SLC6A6: variants seen among roughly 807,000 people sequenced by gnomAD.
SLC6A6 encodes the protein sodium- and chloride-dependent taurine transporter.
In SLC6A6, 16 loss-of-function variants were observed where a neutral mutation model predicts 68.8. The observed-to-expected ratio is 0.23, with a 90% CI of 0.16 to 0.35. The LOEUF (loss-of-function observed/expected upper bound fraction) is 0.35. Ranked by LOEUF, SLC6A6 falls within the 10% of genes least tolerant of loss-of-function variation. SLC6A6 has a pLI of 1.00. For missense variants in SLC6A6, 474 were observed against 802.8 expected (o/e 0.59, Z 4.95); for synonymous variants, 312 against 315.4 (o/e 0.99, Z 0.12).
At chr3:14,470,963 C>A (rs571032371) in intron 9 of SLC6A6, among the ~76,000 whole-genome samples, 1 of 152,304 alleles carries the variant, frequency 6.6e-6, no homozygotes, top group African/African-American at 2.4e-5. Context: ...AGGACACACC[C>A]TTCCCTGGCA....
At chr3:14,432,885 C>G (rs1476095683) in intron 2 of SLC6A6, 1 of 152,222 alleles carries the variant, frequency 6.6e-6, no homozygotes, top group Non-Finnish European at 1.5e-5. Context: ...TGTCCAGGGT[C>G]CCCTCAGACA....
chr3:14,417,653 A>AC (rs1236854604), intron 2 of SLC6A6, among the ~76,000 whole-genome samples: 18 of 150,216 alleles, frequency 1.2e-4, no homozygotes, highest in Non-Finnish European at 1.8e-4. Flanking sequence ...AATGGCGTGA[A>AC]CCCGGGGGAT....
intron 2 of SLC6A6, among the ~76,000 whole-genome samples, chr3:14,419,814 A>C (rs1699447139): frequency 6.7e-6 from 1 of 149,034 alleles, no homozygotes. Context: ...GCAACTCCCC[A>C]CCCCCTCAGC....
intron 5 of SLC6A6, among the ~76,000 whole-genome samples, chr3:14,456,963 G>T (rs192543584): frequency 6.6e-6 from 1 of 152,220 alleles, no homozygotes; most frequent in African/African-American, 2.4e-5. Flanking sequence ...GGCTGTCCTC[G>T]ATCACTGTTG....
intron 2 of SLC6A6, among the ~76,000 whole-genome samples, chr3:14,424,564 G>C (rs1044617025): frequency 7.3e-4 from 111 of 151,978 alleles, no homozygotes; most frequent in African/African-American, 2.4e-3. Flanking sequence ...GGGGTAGGGG[G>C]TGGGGTTGGG....
In SLC6A6 at chr3:14,478,588, T is replaced by A; in HGVS notation, c.1450+20T>A. 2 of 1,437,912 alleles carry A rather than the reference T, an allele frequency of 1.4e-6. No homozygotes were observed. Among genetic ancestry groups the A allele is most frequent in the Non-Finnish European group, 2.0e-6 (2 of 1,019,704 alleles). The allele number at this position is 1,437,912 out of a possible 1,614,324, so 89.1% of individuals were successfully genotyped here. A position where few individuals can be genotyped will look rare whatever the true frequency, so the allele number is the denominator to read the frequency against. On this transcript the variant is annotated intron_variant, in intron 12 of 14. Transcript: ENST00000622186. ...TATATGGTGAGTACAGATTTTTTCA[T>A]GTCCTTTCTCAAGGCTCTCCTTTGG...
intron 13 of SLC6A6, among the ~76,000 whole-genome samples, chr3:14,480,087 T>C (rs537069546): frequency 6.6e-6 from 1 of 152,348 alleles, no homozygotes; most frequent in Admixed American, 6.5e-5. Context: ...CACTTCCCTC[T>C]GTGAGCCTCA....
intron 4 of SLC6A6, among the ~76,000 whole-genome samples, chr3:14,446,719 A>G (rs978593617): frequency 6.6e-6 from 1 of 152,210 alleles, no homozygotes. Context: ...TATGAAATAG[A>G]AATATAGTCG....
At chr3:14,432,099 ACT>A (rs1180221869) in intron 2 of SLC6A6, among the ~76,000 whole-genome samples, 2 of 151,964 alleles carry the variant, frequency 1.3e-5, no homozygotes, top group Admixed American at 6.6e-5. Context: ...CCCTTAGCTG[ACT>A]CTGTCACTGG....
At chr3:14,445,619 C>G (rs1453391725) in intron 3 of SLC6A6, 98 bp from the exon 4 acceptor site, 6 of 1,349,790 alleles carry the variant, frequency 4.4e-6, no homozygotes, top group Non-Finnish European at 6.3e-6. Context: ...GCCCCTCATG[C>G]ATTCTCTCTG....
Position 14,461,962 on chromosome 3 carries a change from C to T in SLC6A6, c.732+3880C>T, listed in dbSNP as rs147881066. On this transcript the variant is annotated intron_variant, in intron 6 of 14. Transcript: ENST00000622186. ...TGCTCAGCCACCCTCTTTTCTACTG[C>T]CCAGAGGGGATGGAGAAAAGTTGTC... Among the ~76,000 whole-genome samples, 1,289 of 152,342 alleles carry T rather than the reference C, an allele frequency of 8.5e-3. 9 individuals carry two copies. Among genetic ancestry groups the T allele is most frequent in the South Asian group, 0.013 (62 of 4,834 alleles).
chr3:14,451,574 A>G (rs910022053), intron 5 of SLC6A6, among the ~76,000 whole-genome samples: 15 of 152,208 alleles, frequency 9.9e-5, no homozygotes, highest in African/African-American at 3.4e-4. Flanking sequence ...TGGAGGAGGA[A>G]CCATAGAAGG....
At position 14,479,320 on chromosome 3, in the gene SLC6A6, G is replaced by A. The variant is rs1700955808; in HGVS notation, c.1551+135G>A. ...TAAACCCAGCTTCAGCGCTGCCTGG[G>A]AGAGGGGAGGAAGGCTGCTCCAGGG... On this transcript the variant is annotated intron_variant, in intron 13 of 14. Transcript: ENST00000622186. 18 of 641,842 alleles carry A rather than the reference G, an allele frequency of 2.8e-5. 2 individuals are homozygous for A. In the South Asian group the frequency reaches 3.1e-4, roughly 11 times the overall value. The allele number at this position is 641,842 out of a possible 1,614,324, so 39.8% of individuals were successfully genotyped here. A position where few individuals can be genotyped will look rare whatever the true frequency, so the allele number is the denominator to read the frequency against.
chr3:14,419,839 C>T (rs533403020), intron 2 of SLC6A6, among the ~76,000 whole-genome samples: 2 of 152,048 alleles, frequency 1.3e-5, no homozygotes, highest in Non-Finnish European at 2.9e-5. Context: ...GGGCTGAGTC[C>T]AGAAATCAGA....
At chr3:14,462,981 C>T (rs1200082633) in intron 6 of SLC6A6, among the ~76,000 whole-genome samples, 3 of 152,186 alleles carry the variant, frequency 2.0e-5, no homozygotes, top group Non-Finnish European at 4.4e-5. Context: ...GCCTGTATCT[C>T]ACAACTCTCT....
At chr3:14,471,570 G>A (rs184632830) in intron 9 of SLC6A6, among the ~76,000 whole-genome samples, 2 of 152,308 alleles carry the variant, frequency 1.3e-5, no homozygotes, top group East Asian at 3.9e-4. Flanking sequence ...GGGCTTGCAG[G>A]CCTGGGACCT....
intron 7 of SLC6A6, 106 bp downstream of exon 7, chr3:14,466,756 TC>T: frequency 8.9e-7 from 1 of 1,127,906 alleles, no homozygotes; most frequent in Non-Finnish European, 1.2e-6. Context: ...CCGTGGTTCT[TC>T]AGTGCACAGG....
chr3:14,407,499 GTTTTCTTTTTCTTTTTTT>G (rs558576835), intron 1 of SLC6A6, among the ~76,000 whole-genome samples: 1 of 148,904 alleles, frequency 6.7e-6, no homozygotes, highest in East Asian at 2.0e-4. Context: ...CACTTTCTCC[GTTTTCTTTTTCTTTTTTT>G]TTTTTTTTGA....
chr3:14,480,686 T>C (rs11710744), intron 13 of SLC6A6, among the ~76,000 whole-genome samples: 36,316 of 152,174 alleles, frequency 0.24, 4,635 homozygotes, highest in African/African-American at 0.3. Context: ...TCCCAGTTAC[T>C]AGGTGTTGAA....
Sources: gnomAD v4.1 joint callset for allele counts (sites outside exome capture counted in the v4.1 genomes callset) on GRCh38, gnomAD v4.1.1 for gene constraint, MANE v1.5 for transcripts, NCBI Gene and HGNC (gene_info 2026-07-23, HGNC 2026-07-21) for gene names.